Variants in FAM114A1 observed in about 807,000 individuals in gnomAD.
The protein encoded by FAM114A1 is protein NOXP20.
In FAM114A1, 62 loss-of-function variants were observed where a neutral mutation model predicts 64.3. The observed-to-expected ratio is 0.96, with a 90% CI of 0.79 to 1.19. The LOEUF is 1.19. Among genes scored for constraint, FAM114A1 ranks in the 50% most tolerant of loss-of-function variants. The pLI is 0.00. For synonymous variants in FAM114A1, 254 were observed against 251.1 expected (o/e 1.01, Z -0.11); for missense variants, 645 against 676.3 (o/e 0.95, Z 0.51).
chr4:38,923,099 C>T (rs1719766349), intron 9 of FAM114A1, among the ~76,000 whole-genome samples: 2 of 152,108 alleles, frequency 1.3e-5, no homozygotes, highest in Non-Finnish European at 2.9e-5. Context: ...TCCTATTGGT[C>T]CTCTGGTGTT....
chr4:38,869,009 C>A (rs931116323), intron 2 of FAM114A1, among the ~76,000 whole-genome samples: 4 of 152,210 alleles, frequency 2.6e-5, no homozygotes, highest in African/African-American at 4.8e-5. Flanking sequence ...TTTCTTGAAT[C>A]TGAGCGATTC....
chr4:38,870,505 T>TGA (rs1713939880), intron 2 of FAM114A1, among the ~76,000 whole-genome samples: 1 of 152,250 alleles, frequency 6.6e-6, no homozygotes. Flanking sequence ...ATACCTTGCA[T>TGA]AGTTCTGGGA....
chr4:38,887,073 C>A (rs1447190924), intron 3 of FAM114A1, among the ~76,000 whole-genome samples: 3 of 151,958 alleles, frequency 2.0e-5, no homozygotes, highest in East Asian at 3.9e-4. Flanking sequence ...GAGGAAGGTG[C>A]ATTTCCATAA....
At chr4:38,922,246 A>G (rs1372789048) in intron 8 of FAM114A1, among the ~76,000 whole-genome samples, 2 of 152,112 alleles carry the variant, frequency 1.3e-5, no homozygotes, top group Admixed American at 6.5e-5. Flanking sequence ...GGCCGTATGC[A>G]TGTATATTTA....
intron 4 of FAM114A1, among the ~76,000 whole-genome samples, chr4:38,900,446 C>T (rs1173794037): frequency 1.3e-5 from 2 of 152,124 alleles, no homozygotes; most frequent in African/African-American, 4.8e-5. Flanking sequence ...TTTGTACACC[C>T]ATGATCATAG....
chr4:38,922,668 C>A, intron 8 of FAM114A1, 102 bp from the exon 9 acceptor site: 1 of 1,447,756 alleles, frequency 6.9e-7, no homozygotes, highest in Non-Finnish European at 9.3e-7. Context: ...ACCTCCCACA[C>A]CATGAATCAC....
chr4:38,878,409 C>T lies in FAM114A1; in HGVS notation c.331C>T (p.Gln111Ter), dbSNP rs1054456213. Residue 111 changes from glutamine (Q) to a stop codon, truncating the protein, a stop_gained, in exon 3 of 15, where the codon CAA becomes TAA. Transcript: ENST00000358869. LOFTEE classifies it high-confidence loss of function. ...EAEPRSEIPL[Q>*]EQNYLAVDSP... ...AGAACCCAGATCCGAAATACCCCTG[C>T]AAGAACAGAATTATCTGGTAAGAAT... 34 of 1,594,956 alleles carry T rather than the reference C, an allele frequency of 2.1e-5. No homozygotes were observed. The highest frequency in any genetic ancestry group is 4.0e-5 in the African/African-American group (3 of 74,464).
intron 14 of FAM114A1, 151 bp downstream of exon 14, chr4:38,941,172 AC>A: frequency 1.5e-6 from 1 of 660,092 alleles, no homozygotes; most frequent in East Asian, 2.8e-5. Context: ...GTGTAGCTCA[AC>A]CAGCTGTAAA....
chr4:38,931,734 A>G (rs1321098714), intron 11 of FAM114A1, 122 bp downstream of exon 11: 1 of 1,038,052 alleles, frequency 9.6e-7, no homozygotes, highest in Non-Finnish European at 1.3e-6. Context: ...TAGAAATATA[A>G]GTTTGAGACC....
At chr4:38,885,418 T>C (rs142910547) in intron 3 of FAM114A1, among the ~76,000 whole-genome samples, 216 of 152,188 alleles carry the variant, frequency 1.4e-3, no homozygotes, top group Non-Finnish European at 2.3e-3. Context: ...TAGGACTACA[T>C]GTGCATGCCA....
rs1303293638 is a variant in FAM114A1 at position 38,945,121 on chromosome 4, A to G, written c.*1564A>G. On this transcript the variant is annotated 3_prime_UTR_variant, in exon 15 of 15. Coordinates refer to ENST00000358869, the MANE Select transcript of FAM114A1 (RefSeq NM_138389.4). ...CTTACGATCACGAGCACATGGTGGC[A>G]TAATTACAAAGCTTGGAAGTATTCA... 6.6e-6 allele frequency: 1 copy of G among 152,234 alleles called. No individual in the cohort carries two copies. The highest frequency in any genetic ancestry group is 2.4e-5 in the African/African-American group (1 of 41,468). 9.4% of individuals were successfully genotyped at this position (152,234 alleles called of 1,614,324 possible). A position where few individuals can be genotyped will look rare whatever the true frequency, so the allele number is the denominator to read the frequency against.
chr4:38,922,704 G>A (rs1037380138), intron 8 of FAM114A1, 66 bp from the exon 9 acceptor site: 42 of 1,539,164 alleles, frequency 2.7e-5, no homozygotes, highest in Admixed American at 1.7e-4. Context: ...ACTGGGGACC[G>A]CTGTGTGTAA....
In FAM114A1 at chr4:38,922,721, T is replaced by C. The variant is rs760378428; in HGVS notation, c.946-49T>C. ...TGGGGACCGCTGTGTGTAAACGTTA[T>C]TAACGAGAAGAAAAGATGACAGTCG... On this transcript the variant is annotated intron_variant, in intron 8 of 14. Transcript: ENST00000358869. 4.4e-6 allele frequency: 7 copies of C among 1,581,434 alleles called. No homozygotes were observed. In the Admixed American group the frequency reaches 7.6e-5, roughly 17 times the overall value.
At chr4:38,915,480 C>T (rs1394190954) in intron 8 of FAM114A1, among the ~76,000 whole-genome samples, 1 of 152,144 alleles carries the variant, frequency 6.6e-6, no homozygotes, top group Non-Finnish European at 1.5e-5. Flanking sequence ...TTTTAGACTT[C>T]AGGGTTTTAA....
chr4:38,902,005 T>C (rs1579338396), intron 4 of FAM114A1, among the ~76,000 whole-genome samples: 1 of 152,242 alleles, frequency 6.6e-6, no homozygotes, highest in East Asian at 1.9e-4. Context: ...AAGGATCTGA[T>C]TTCCAAGGAG....
chr4:38,898,913 AATATATATGTT>A (rs1037116518), intron 4 of FAM114A1, among the ~76,000 whole-genome samples: 18 of 148,390 alleles, frequency 1.2e-4, no homozygotes, highest in South Asian at 6.3e-4. Flanking sequence ...ATATATGAGT[AATATATATGTT>A]ATATATATGT....
chr4:38,944,204 GAC>G lies in FAM114A1; in HGVS notation c.*648_*649del, dbSNP rs1157506514. The G allele has an allele frequency of 3.3e-5, 5 of 151,980 alleles. No individual in the cohort carries two copies. Among genetic ancestry groups the G allele is most frequent in the African/African-American group, 1.2e-4 (5 of 41,340 alleles). The allele number at this position is 151,980 out of a possible 1,614,324, so 9.4% of individuals were successfully genotyped here. A position where few individuals can be genotyped will look rare whatever the true frequency, so the allele number is the denominator to read the frequency against. ...CTGCCTCAGCCTCCTGAGTAGCTGG[GAC>G]TACAGGTGTGTGCCACCACGCCCAG... On this transcript the variant is annotated 3_prime_UTR_variant, in exon 15 of 15. Coordinates refer to ENST00000358869, the MANE Select transcript of FAM114A1 (RefSeq NM_138389.4).
intron 10 of FAM114A1, among the ~76,000 whole-genome samples, chr4:38,930,005 A>C (rs781487536): frequency 6.6e-6 from 1 of 152,298 alleles, no homozygotes; most frequent in South Asian, 2.1e-4. Context: ...GTGCAGAATC[A>C]CCAAGAGGCT....
chr4:38,877,917 T>G (rs1414631015), intron 2 of FAM114A1, among the ~76,000 whole-genome samples, 154 bp from the exon 3 acceptor site: 7 of 149,464 alleles, frequency 4.7e-5, no homozygotes, highest in Admixed American at 2.7e-4. Flanking sequence ...TGAGCTGAGA[T>G]CATGCCATTG....
Sources: gnomAD v4.1 joint callset for allele counts (sites outside exome capture counted in the v4.1 genomes callset) on GRCh38, gnomAD v4.1.1 for gene constraint, MANE v1.5 for transcripts, NCBI Gene and HGNC (gene_info 2026-07-23, HGNC 2026-07-21) for gene names.